AGBL1: variants seen among roughly 807,000 people sequenced by gnomAD.
The protein encoded by AGBL1 is AGBL carboxypeptidase 1, also known as cytosolic carboxypeptidase 4.
AGBL1 carries 130 observed loss-of-function variants against 118.9 expected under a neutral mutation model. That is an observed-to-expected ratio of 1.09 (90% confidence interval 0.95 to 1.26). The LOEUF (loss-of-function observed/expected upper bound fraction) is 1.26. Ranked by LOEUF, AGBL1 falls within the 50% of genes most tolerant of loss-of-function variation. AGBL1 has a pLI of 0.00. For synonymous variants in AGBL1, 555 were observed against 478.9 expected, an observed-to-expected ratio of 1.16 and a Z score of -2.08; for missense variants, 1,584 against 1,298.1, an observed-to-expected ratio of 1.22 and a Z score of -3.38.
At chr15:86,532,975 G>A (rs1042076096) in intron 19 of AGBL1, among the ~76,000 whole-genome samples, 11 of 102,424 alleles carry the variant, frequency 1.1e-4, no homozygotes, top group Admixed American at 2.7e-4. Context: ...ATGGATTAAA[G>A]ATTTAAACGT....
At chr15:86,419,278 T>C (rs1431301157) in intron 18 of AGBL1, among the ~76,000 whole-genome samples, 2 of 151,972 alleles carry the variant, frequency 1.3e-5, no homozygotes, top group Non-Finnish European at 2.9e-5. Flanking sequence ...CTTCATCTCA[T>C]TGGGACTGGT....
intron 23 of AGBL1, among the ~76,000 whole-genome samples, chr15:86,967,585 C>G (rs1194876115): frequency 3.3e-5 from 5 of 152,080 alleles, no homozygotes; most frequent in African/African-American, 9.7e-5. Flanking sequence ...AATAGGGAAT[C>G]GTTTCCCCAT....
At position 86,386,725 on chromosome 15, in the gene AGBL1, G is replaced by T. The variant is rs184131415; in HGVS notation, c.2375-10641G>T. On this transcript the variant is annotated intron_variant, in intron 17 of 22. Transcript: ENST00000614907. ...CTGCTTTAAGTAAATACCCACTAAT[G>T]CCCAGGACCTCAAGCCTGGGACCTT... is the stretch of plus-strand genomic sequence containing the variant. 6.0e-4 allele frequency among the ~76,000 whole-genome samples: 92 copies of T among 152,084 alleles called. 2 individuals carry two copies. Among genetic ancestry groups the T allele is most frequent in the African/African-American group, 1.9e-3 (79 of 41,476 alleles).
intron 23 of AGBL1, among the ~76,000 whole-genome samples, chr15:86,965,947 A>G (rs12917027): frequency 2.2e-4 from 33 of 152,190 alleles, no homozygotes; most frequent in African/African-American, 7.9e-4. Context: ...GCATGTGTAT[A>G]CCTATGTAAC....
At chr15:86,484,848 T>A (rs758672875) in intron 18 of AGBL1, among the ~76,000 whole-genome samples, 2 of 152,138 alleles carry the variant, frequency 1.3e-5, no homozygotes, top group South Asian at 4.1e-4. Context: ...TCAGGCCAGA[T>A]CAGAATCACT....
chr15:86,928,908 A>G (rs184180097), intron 23 of AGBL1, among the ~76,000 whole-genome samples: 1 of 152,300 alleles, frequency 6.6e-6, no homozygotes, highest in Non-Finnish European at 1.5e-5. Flanking sequence ...TATGCATAAC[A>G]TTGAATTTAC....
At chr15:86,124,797 G>A (rs374155513) in intron 1 of AGBL1, among the ~76,000 whole-genome samples, 24 of 152,248 alleles carry the variant, frequency 1.6e-4, no homozygotes, top group African/African-American at 5.8e-4. Context: ...CTGACAAACA[G>A]AAGAAGGTTG....
chr15:86,194,491 A>T (rs2077769621), intron 5 of AGBL1, among the ~76,000 whole-genome samples: 1 of 152,154 alleles, frequency 6.6e-6, no homozygotes, highest in Non-Finnish European at 1.5e-5. Flanking sequence ...GTTCCTTTTA[A>T]TGTACTTCAG....
intron 18 of AGBL1, among the ~76,000 whole-genome samples, chr15:86,428,706 A>T (rs909292713): frequency 6.6e-6 from 1 of 152,248 alleles, no homozygotes; most frequent in African/African-American, 2.4e-5. Flanking sequence ...TGGATCAATA[A>T]TAGAGTTCGC....
intron 20 of AGBL1, 148 bp from the exon 21 acceptor site, chr15:86,554,213 G>C: frequency 1.4e-6 from 1 of 701,968 alleles, no homozygotes. Context: ...TTTTTAAAAA[G>C]TGATAGCCAT....
chr15:86,495,002 C>A (rs2082829782), intron 18 of AGBL1, among the ~76,000 whole-genome samples: 1 of 151,432 alleles, frequency 6.6e-6, no homozygotes, highest in South Asian at 2.1e-4. Context: ...CCTTTGAATC[C>A]ATTCACAATC....
chr15:86,324,912 T>C (rs2080163474), intron 17 of AGBL1, among the ~76,000 whole-genome samples: 1 of 152,180 alleles, frequency 6.6e-6, no homozygotes, highest in South Asian at 2.1e-4. Context: ...GGAGACCATG[T>C]AGCAGGAATG....
chr15:86,428,236 G>A (rs2081891148), intron 18 of AGBL1, among the ~76,000 whole-genome samples: 1 of 152,228 alleles, frequency 6.6e-6, no homozygotes, highest in South Asian at 2.1e-4. Flanking sequence ...ATGCAGCACA[G>A]CTTTGGGTAG....
intron 18 of AGBL1, among the ~76,000 whole-genome samples, chr15:86,477,923 T>A (rs149709422): frequency 0.36 from 54,763 of 151,998 alleles, 11,410 homozygotes; most frequent in Middle Eastern, 0.52. Flanking sequence ...CAAGGCTGAT[T>A]CAACATACGC....
At chr15:86,437,729 G>A (rs191610189) in intron 18 of AGBL1, among the ~76,000 whole-genome samples, 397 of 152,174 alleles carry the variant, frequency 2.6e-3, no homozygotes, top group African/African-American at 9.0e-3. Flanking sequence ...ACCCTTATGA[G>A]CTCCCAGTCT....
At chr15:86,808,836 A>C (rs75473394) in intron 22 of AGBL1, among the ~76,000 whole-genome samples, 1 of 149,890 alleles carries the variant, frequency 6.7e-6, no homozygotes, top group Non-Finnish European at 1.5e-5. Context: ...CTTGACTTCA[A>C]TTTTAGTTGT....
rs2081021472 is a variant in AGBL1, at chr15:86,964,016, T to TCC, written c.3222-23970_3222-23969insCC. On this transcript the variant is annotated intron_variant, in intron 23 of 24. Coordinates refer to the AGBL1 transcript ENST00000441037. Reference sequence around the variant, plus strand: ...AAGATCTGAGCCAGGAAACTCTCTCTCTCTCTCTCTCTCTCTGTGTGTGTG... The same window carrying TCC: ...AAGATCTGAGCCAGGAAACTCTCTCTCCCTCTCTCTCTCTCTCTGTGTGTGTG... Among the ~76,000 whole-genome samples the TCC allele has an allele frequency of 2.3e-5, 3 of 129,728 alleles. No individual in the cohort carries two copies. In the South Asian group the frequency reaches 7.3e-4, roughly 31 times the overall value. 85.1% of individuals were successfully genotyped at this position (129,728 alleles called of 152,430 possible).
chr15:86,968,748 T>G (rs1385328011), intron 23 of AGBL1, among the ~76,000 whole-genome samples: 1 of 151,922 alleles, frequency 6.6e-6, no homozygotes. Context: ...CTAGGTAATT[T>G]ATACACAAAA....
At chr15:86,902,258 TC>T (rs2080221509) in intron 22 of AGBL1, among the ~76,000 whole-genome samples, 1 of 152,192 alleles carries the variant, frequency 6.6e-6, no homozygotes, top group Admixed American at 6.5e-5. Flanking sequence ...ATCTATCTCC[TC>T]TCCAGCATTT....
Sources: allele counts gnomAD v4.1 joint callset (sites outside exome capture counted in the v4.1 genomes callset), GRCh38; gene constraint gnomAD v4.1.1; transcripts MANE v1.5; gene names NCBI Gene and HGNC (gene_info 2026-07-23, HGNC 2026-07-21).